CCDC144A: variants seen among roughly 807,000 people sequenced by gnomAD.
CCDC144A encodes coiled-coil domain-containing protein 144A.
CCDC144A carries 41 observed loss-of-function variants against 143.8 expected under a neutral mutation model. The observed-to-expected ratio is 0.29, with a 90% confidence interval of 0.22 to 0.37. The LOEUF (loss-of-function observed/expected upper bound fraction) is 0.37, where lower values mean the gene tolerates loss of function less well. CCDC144A is among the 10% of genes least tolerant of loss of function. CCDC144A has a pLI of 1.00. For synonymous variants in CCDC144A, 242 were observed against 517.9 expected (o/e 0.47, Z 7.23); for missense variants, 637 against 1,488.8 (o/e 0.43, Z 9.41).
rs4544276 is a variant in CCDC144A, at chr17:16,714,487, A to G, written c.1715+2672A>G. Among the ~76,000 whole-genome samples, 1,018 of 152,220 alleles carry G rather than the reference A, an allele frequency of 6.7e-3. 10 individuals carry two copies. The highest frequency in any genetic ancestry group is 0.024 in the African/African-American group (985 of 41,514). ...CTCTGCTAGAAACTAAGGTGTTGTC[A>G]TTGACTCCCCTCTCTCTCTGACACC... On this transcript the variant is annotated intron_variant, in intron 6 of 16. Coordinates refer to ENST00000399273, the MANE Select transcript of CCDC144A (RefSeq NM_001382000.1).
In CCDC144A at chr17:16,774,325, C is replaced by T. The variant is rs1291854246; in HGVS notation, c.*692C>T. On this transcript the variant is annotated 3_prime_UTR_variant, in exon 17 of 17. Transcript: ENST00000399273. ...CAAGTCAGGACATTTTATATAACTA[C>T]TTCATAATCGGAAAGTTAACATCAA... is the stretch of plus-strand genomic sequence containing the variant. 6.8e-6 allele frequency: 1 copy of T among 146,940 alleles called. No individual in the cohort carries two copies. The highest frequency in any genetic ancestry group is 2.7e-5 in the African/African-American group (1 of 37,716). 9.1% of individuals were successfully genotyped at this position (146,940 alleles called of 1,614,324 possible). A position where few individuals can be genotyped will look rare whatever the true frequency, so the allele number is the denominator to read the frequency against.
chr17:16,733,794 C>T (rs1254134085), intron 11 of CCDC144A, among the ~76,000 whole-genome samples: 1 of 151,990 alleles, frequency 6.6e-6, no homozygotes, highest in African/African-American at 2.4e-5. Context: ...TATTTTTTGA[C>T]CTCTCCTTTC....
intron 15 of CCDC144A, chr17:16,767,166 G>A (rs1030913805): frequency 2.6e-5 from 4 of 152,554 alleles, no homozygotes; most frequent in African/African-American, 9.7e-5. Flanking sequence ...ATGGTGGCGG[G>A]CGCCTATAAT....
intron 2 of CCDC144A, among the ~76,000 whole-genome samples, chr17:16,704,464 A>T (rs1383120068): frequency 4.6e-5 from 7 of 152,106 alleles, no homozygotes; most frequent in Non-Finnish European, 1.0e-4. Context: ...CAAAAAATAA[A>T]AAAAAAAAAT....
intron 12 of CCDC144A, among the ~76,000 whole-genome samples, chr17:16,737,049 C>T (rs1914041986): frequency 6.6e-6 from 1 of 150,868 alleles, no homozygotes; most frequent in African/African-American, 2.4e-5. Flanking sequence ...AAGATAACAC[C>T]TTCTTTGTCC....
rs1165517554 is a variant in CCDC144A at position 16,774,872 on chromosome 17, C to T, written c.*1239C>T. The T allele has an allele frequency of 7.0e-6, 1 of 143,880 alleles. No homozygotes were observed. Among genetic ancestry groups the T allele is most frequent in the Admixed American group, 6.7e-5 (1 of 14,832 alleles). The allele number at this position is 143,880 out of a possible 1,614,324, so 8.9% of individuals were successfully genotyped here. A position where few individuals can be genotyped will look rare whatever the true frequency, so the allele number is the denominator to read the frequency against. ...ATGCTCTCCCTTCTTTCACCCGCCA[C>T]CATCCCACATGCCCCTGTGTGTGTT... On this transcript the variant is annotated 3_prime_UTR_variant, in exon 17 of 17. Transcript: ENST00000399273.
At chr17:16,710,029 A>G (rs1456466217) in intron 5 of CCDC144A, 1 of 219,188 alleles carries the variant, frequency 4.6e-6, no homozygotes, top group South Asian at 6.6e-5. Flanking sequence ...AAAGGAAGCA[A>G]TGACTAAGAA....
chr17:16,682,412 G>A, the CCDC144A span, among the ~76,000 whole-genome samples: 1 of 152,064 alleles, frequency 6.6e-6, no homozygotes, highest in Non-Finnish European at 1.5e-5. Flanking sequence ...TTCATTTTGA[G>A]ATTCCTGACT....
chr17:16,753,439 T>G lies in CCDC144A; in HGVS notation c.3373-7986T>G, dbSNP rs1340976562. ...GTCAGTGTTTTGTAGTTTTTTTTTT[T>G]TTTTTTTTTTTTTTTTTGTAAAGCT... On this transcript the variant is annotated intron_variant, in intron 12 of 16. Transcript: ENST00000399273. Among the ~76,000 whole-genome samples the G allele has an allele frequency of 1.5e-3, 216 of 144,386 alleles. 1 individual carries two copies. The highest frequency in any genetic ancestry group is 4.9e-3 in the African/African-American group (184 of 37,214). The allele number at this position is 144,386 out of a possible 152,430, so 94.7% of individuals were successfully genotyped here. A position where few individuals can be genotyped will look rare whatever the true frequency, so the allele number is the denominator to read the frequency against.
intron 6 of CCDC144A, among the ~76,000 whole-genome samples, chr17:16,712,393 T>G (rs555148955): frequency 2.0e-5 from 3 of 152,126 alleles, no homozygotes; most frequent in Non-Finnish European, 4.4e-5. Context: ...ATGAAATTGA[T>G]GAATCCTTTT....
the CCDC144A span, among the ~76,000 whole-genome samples, chr17:16,668,033 C>A: frequency 2.5e-4 from 37 of 148,630 alleles, no homozygotes; most frequent in Admixed American, 2.1e-3. Flanking sequence ...CATTTTGCGA[C>A]ATAAAAAAAT....
chr17:16,708,713 C>T (rs750493340), intron 4 of CCDC144A, 83 bp from the exon 5 acceptor site: 15 of 1,559,040 alleles, frequency 9.6e-6, no homozygotes, highest in Non-Finnish European at 1.3e-5. Flanking sequence ...AAGGACAAAG[C>T]TATTTTTAAA....
At chr17:16,724,353 C>T (rs1470445831) in intron 8 of CCDC144A, among the ~76,000 whole-genome samples, 4 of 151,912 alleles carry the variant, frequency 2.6e-5, no homozygotes, top group South Asian at 2.1e-4. Context: ...CTGACCAATA[C>T]GTTGAAACTC....
upstream of CCDC144A, among the ~76,000 whole-genome samples, chr17:16,684,832 G>T (rs1412400266): frequency 1.3e-5 from 2 of 151,946 alleles, no homozygotes; most frequent in African/African-American, 2.4e-5. Context: ...GTGTAGTGGT[G>T]CATGCCTGTA....
At chr17:16,747,088 G>A (rs887649508) in intron 12 of CCDC144A, among the ~76,000 whole-genome samples, 2 of 151,916 alleles carry the variant, frequency 1.3e-5, no homozygotes, top group Non-Finnish European at 1.5e-5. Context: ...TTTGTATGTG[G>A]TGATAGCTAG....
At chr17:16,670,291 C>CTTTTTTT in the CCDC144A span, among the ~76,000 whole-genome samples, 6 of 127,882 alleles carry the variant, frequency 4.7e-5, no homozygotes, top group East Asian at 2.4e-4. Context: ...TTTCTTTTTT[C>CTTTTTTT]TTTTTTTTTT....
At chr17:16,671,231 T>C in the CCDC144A span, among the ~76,000 whole-genome samples, 3 of 152,070 alleles carry the variant, frequency 2.0e-5, no homozygotes, top group African/African-American at 7.2e-5. Context: ...GATCTGCCCA[T>C]CTTGGCCTCC....
At chr17:16,697,273 C>T (rs1466545298) in intron 2 of CCDC144A, among the ~76,000 whole-genome samples, 3 of 152,100 alleles carry the variant, frequency 2.0e-5, no homozygotes, top group Admixed American at 1.3e-4. Context: ...ATTTTCTGTA[C>T]AGGGCTTTTT....
chr17:16,762,839 G>A (rs1266413104), intron 14 of CCDC144A, among the ~76,000 whole-genome samples: 1 of 151,274 alleles, frequency 6.6e-6, no homozygotes, highest in Non-Finnish European at 1.5e-5. Flanking sequence ...GATCTATTAG[G>A]GTTTCAGCTA....
Sources: allele counts gnomAD v4.1 joint callset (sites outside exome capture counted in the v4.1 genomes callset), GRCh38; gene constraint gnomAD v4.1.1; transcripts MANE v1.5; gene names NCBI Gene and HGNC (gene_info 2026-07-23, HGNC 2026-07-21).